The following BRWD1 variants were observed in gnomAD, a reference collection of about 807,000 sequenced individuals.
BRWD1 encodes the protein bromodomain and WD repeat-containing protein 1.
In BRWD1, 82 loss-of-function variants were observed where a neutral mutation model predicts 251.2. That is an observed-to-expected ratio of 0.33 (90% CI 0.27 to 0.39). The LOEUF is 0.39. Among genes scored for constraint, BRWD1 ranks in the 10% least tolerant of loss-of-function variants. BRWD1 has a pLI of 1.00. For synonymous variants in BRWD1, 918 were observed against 902.8 expected, an observed-to-expected ratio of 1.02 and a Z score of -0.30; for missense variants, 2,233 against 2,711.6, an observed-to-expected ratio of 0.82 and a Z score of 3.92.
chr21:39,210,879 G>A lies in BRWD1; in HGVS notation c.3951C>T (p.Asn1317=), dbSNP rs1485300005. 2 of 1,612,296 alleles carry A rather than the reference G, an allele frequency of 1.2e-6. No individual in the cohort carries two copies. The highest frequency in any genetic ancestry group is 2.7e-5 in the African/African-American group (2 of 74,788). ...SIRATNYVES[N]WKKQCKELVN... ...CTAGTTCCTTACACTGTTTCTTCCA[G>A]TTGCTTTCAACATAGTTCGTAGCTC... The change falls in exon 35 of 41, where the codon AAC becomes AAT. Residue 1317 remains asparagine (N), a synonymous_variant. Transcript: ENST00000342449.
intron 9 of BRWD1, among the ~76,000 whole-genome samples, chr21:39,279,657 GAA>G (rs762764578): frequency 2.4e-4 from 27 of 111,032 alleles, no homozygotes; most frequent in Admixed American, 6.3e-4. Flanking sequence ...AAAAAAAAAA[GAA>G]AAAAAAAAAG....
intron 8 of BRWD1, among the ~76,000 whole-genome samples, chr21:39,283,858 T>C (rs2035549042): frequency 6.6e-6 from 1 of 152,198 alleles, no homozygotes; most frequent in Non-Finnish European, 1.5e-5. Context: ...AAAATAGTCT[T>C]GCTTTTTTTT....
intron 4 of BRWD1, among the ~76,000 whole-genome samples, chr21:39,301,761 T>C (rs976051613): frequency 6.6e-6 from 1 of 151,948 alleles, no homozygotes; most frequent in African/African-American, 2.4e-5. Flanking sequence ...GTAAAACTGC[T>C]GAAAATCAAA....
At chr21:39,227,829 T>C (rs959207446) in intron 27 of BRWD1, among the ~76,000 whole-genome samples, 1 of 152,180 alleles carries the variant, frequency 6.6e-6, no homozygotes, top group Non-Finnish European at 1.5e-5. Context: ...CCTAGTATAA[T>C]TGTGTAAATT....
chr21:39,310,676 T>A (rs995558195), intron 4 of BRWD1, among the ~76,000 whole-genome samples: 2 of 152,184 alleles, frequency 1.3e-5, no homozygotes, highest in African/African-American at 4.8e-5. Flanking sequence ...TTTGTGTACA[T>A]CTGAAATACT....
rs1439062118 is a variant in BRWD1, at chr21:39,191,528, G to C, written c.*4731C>G. 3 of 980,240 alleles carry C rather than the reference G, an allele frequency of 3.1e-6. No individual in the cohort carries two copies. The East Asian group carries it at 3.4e-4, about 112-fold the overall frequency. 60.7% of individuals were successfully genotyped at this position (980,240 alleles called of 1,614,324 possible). On this transcript the variant is annotated 3_prime_UTR_variant, in exon 41 of 41. Coordinates refer to ENST00000342449, the MANE Select transcript of BRWD1 (RefSeq NM_033656.4). ...TAGAACATTAACGATCTTATGTGAA[G>C]TGGAAAACTAAAGATCTGCTTGACA...
At chr21:39,280,383 CG>C in intron 8 of BRWD1, 135 bp from the exon 9 acceptor site, 1 of 646,792 alleles carries the variant, frequency 1.5e-6, no homozygotes, top group East Asian at 3.0e-5. Context: ...GTAATACTAC[CG>C]TAGTGAAAAA....
At chr21:39,286,220 A>G (rs1040232182) in intron 8 of BRWD1, among the ~76,000 whole-genome samples, 12 of 152,034 alleles carry the variant, frequency 7.9e-5, no homozygotes, top group East Asian at 5.9e-4. Flanking sequence ...GGGTTTCACC[A>G]TGTTAGCCAG....
intron 29 of BRWD1, chr21:39,219,667 A>G (rs1334648548): frequency 2.0e-5 from 3 of 152,232 alleles, no homozygotes; most frequent in Non-Finnish European, 2.9e-5. Flanking sequence ...AGATTCCTGC[A>G]AACATACACA....
At chr21:39,243,661 G>T (rs568911642) in intron 21 of BRWD1, among the ~76,000 whole-genome samples, 9 of 152,022 alleles carry the variant, frequency 5.9e-5, no homozygotes, top group African/African-American at 2.2e-4. Flanking sequence ...GTATTGCCCA[G>T]GCTGGTCTCG....
Position 39,187,949 on chromosome 21 carries a change from G to C in BRWD1, c.*8310C>G, listed in dbSNP as rs1439406870. On this transcript the variant is annotated 3_prime_UTR_variant, in exon 41 of 41. Transcript: ENST00000342449. ...TAGACGAGAGGTGAAAATTGTGAAG[G>C]GATTTGCCAGACAAAAAGCACTTTG... 6.1e-6 allele frequency: 6 copies of C among 984,350 alleles called. No individual in the cohort carries two copies. The South Asian group carries it at 1.4e-4, about 23-fold the overall frequency. 61.0% of individuals were successfully genotyped at this position (984,350 alleles called of 1,614,324 possible). A position where few individuals can be genotyped will look rare whatever the true frequency, so the allele number is the denominator to read the frequency against.
intron 4 of BRWD1, among the ~76,000 whole-genome samples, chr21:39,309,824 CAAAAAAAAAA>C (rs10709480): frequency 1.3e-5 from 1 of 75,242 alleles, no homozygotes; most frequent in South Asian, 4.5e-4. Context: ...GACTCCGTCT[CAAAAAAAAAA>C]AAAAAAAAAA....
At chr21:39,276,264 G>A (rs2035278738) in intron 11 of BRWD1, 51 bp from the exon 12 acceptor site, 1 of 1,508,266 alleles carries the variant, frequency 6.6e-7, no homozygotes, top group African/African-American at 1.4e-5. Flanking sequence ...CATGGTCTGT[G>A]AATTTGAAAA....
At chr21:39,212,735 T>C in intron 33 of BRWD1, 28 bp from the exon 34 acceptor site, 2 of 1,465,148 alleles carry the variant, frequency 1.4e-6, no homozygotes, top group South Asian at 2.4e-5. Context: ...GCACCTTAAG[T>C]ATTTAGAGTC....
At chr21:39,260,380 C>G (rs1174232699) in intron 17 of BRWD1, among the ~76,000 whole-genome samples, 5 of 152,084 alleles carry the variant, frequency 3.3e-5, no homozygotes, top group African/African-American at 1.2e-4. Context: ...AAGCAATCCG[C>G]CTGCCTGCCT....
At chr21:39,239,955 C>A (rs2033933327) in intron 21 of BRWD1, among the ~76,000 whole-genome samples, 1 of 152,112 alleles carries the variant, frequency 6.6e-6, no homozygotes, top group Admixed American at 6.5e-5. Context: ...TTTATACCAA[C>A]TTTATAATGG....
In BRWD1 at chr21:39,194,623, CT is replaced by C. The variant is rs1191272165; in HGVS notation, c.*1635del. 4.6e-6 allele frequency: 7 copies of C among 1,524,512 alleles called. No individual in the cohort carries two copies. Among genetic ancestry groups the C allele is most frequent in the Non-Finnish European group, 6.1e-6 (7 of 1,140,548 alleles). 94.4% of individuals were successfully genotyped at this position (1,524,512 alleles called of 1,614,324 possible). A position where few individuals can be genotyped will look rare whatever the true frequency, so the allele number is the denominator to read the frequency against. On this transcript the variant is annotated 3_prime_UTR_variant, in exon 41 of 41. Transcript: ENST00000342449. ...GCATCAGAGTAGAAAGAAAATGTAC[CT>C]TCTACTATGTCAAATGGAATAGATA...
rs559435650 is a variant in BRWD1 at position 39,255,520 on chromosome 21, T to A, written c.2255+125A>T. ...CCTACCACAATTAAGATAGTAAGAT[T>A]CCCACTCATTACTAATATATTTATA... On this transcript the variant is annotated intron_variant, in intron 19 of 40. Coordinates refer to ENST00000342449, the MANE Select transcript of BRWD1 (RefSeq NM_033656.4). The A allele has an allele frequency of 1.2e-5, 9 of 756,458 alleles. No individual in the cohort carries two copies. The South Asian group carries it at 2.0e-4, about 16-fold the overall frequency. 46.9% of individuals were successfully genotyped at this position (756,458 alleles called of 1,614,324 possible). A position where few individuals can be genotyped will look rare whatever the true frequency, so the allele number is the denominator to read the frequency against.
At chr21:39,320,815 A>G (rs566493269) in intron 1 of BRWD1, among the ~76,000 whole-genome samples, 1 of 151,466 alleles carries the variant, frequency 6.6e-6, no homozygotes, top group South Asian at 2.1e-4. Flanking sequence ...CTACAGGTGC[A>G]CACCACCACA....
Sources: gnomAD v4.1 joint callset for allele counts (sites outside exome capture counted in the v4.1 genomes callset) on GRCh38, gnomAD v4.1.1 for gene constraint, MANE v1.5 for transcripts, NCBI Gene and HGNC (gene_info 2026-07-23, HGNC 2026-07-21) for gene names.